F13A1: variants seen among roughly 807,000 people sequenced by gnomAD.
The protein encoded by F13A1 is coagulation factor XIII A chain, also known as FSF, A subunit.
F13A1 carries 47 observed loss-of-function variants against 80.1 expected under a neutral mutation model. That is an observed-to-expected ratio of 0.59 (90% CI 0.46 to 0.75). The LOEUF is 0.75. F13A1 is among the 30% of genes least tolerant of loss of function. The pLI, the probability that F13A1 is intolerant of heterozygous loss-of-function variation, is 0.00. For missense variants in F13A1, 817 were observed against 930.4 expected, an observed-to-expected ratio of 0.88 and a Z score of 1.59; for synonymous variants, 349 against 344.9, an observed-to-expected ratio of 1.01 and a Z score of -0.13.
At chr6:6,245,142 A>T in intron 6 of F13A1, among the ~76,000 whole-genome samples, 1 of 152,230 alleles carries the variant, frequency 6.6e-6, no homozygotes, top group East Asian at 1.9e-4. Context: ...TAAACATTCT[A>T]CACAGGACAA....
chr6:6,147,418 T>G (rs920708873), intron 14 of F13A1, among the ~76,000 whole-genome samples: 1 of 152,212 alleles, frequency 6.6e-6, no homozygotes, highest in Non-Finnish European at 1.5e-5. Context: ...GTCCTGGAAG[T>G]GTTCATGGAG....
intron 4 of F13A1, among the ~76,000 whole-genome samples, chr6:6,265,673 T>C (rs1757833548): frequency 6.6e-6 from 1 of 152,194 alleles, no homozygotes; most frequent in African/African-American, 2.4e-5. Flanking sequence ...AGCTACATCT[T>C]TGCACATCCA....
chr6:6,196,018 G>T, intron 9 of F13A1, 133 bp from the exon 10 acceptor site: 1 of 848,150 alleles, frequency 1.2e-6, no homozygotes, highest in Non-Finnish European at 1.9e-6. Context: ...TAGCCCAGAT[G>T]CTTTCCAAGG....
chr6:6,202,223 C>A (rs542722086), intron 8 of F13A1, among the ~76,000 whole-genome samples: 1 of 151,188 alleles, frequency 6.6e-6, no homozygotes, highest in East Asian at 1.9e-4. Context: ...TTCCTAATTT[C>A]ATCTACTGAT....
At chr6:6,178,664 A>G (rs2151076269) in intron 11 of F13A1, among the ~76,000 whole-genome samples, 1 of 152,198 alleles carries the variant, frequency 6.6e-6, no homozygotes, top group East Asian at 1.9e-4. Context: ...ATGGAGCCCA[A>G]GGATAGATGC....
chr6:6,253,143 A>T (rs866816252), intron 4 of F13A1, among the ~76,000 whole-genome samples: 2 of 65,490 alleles, frequency 3.1e-5, no homozygotes, highest in African/African-American at 1.1e-4. Context: ...AATCTGTCCC[A>T]AAAAAAAAAA....
At chr6:6,270,871 G>GT (rs1338559948) in intron 3 of F13A1, among the ~76,000 whole-genome samples, 3 of 152,202 alleles carry the variant, frequency 2.0e-5, no homozygotes, top group African/African-American at 7.2e-5. Flanking sequence ...ATCAAAGGAG[G>GT]TAACAACTGA....
chr6:6,168,229 C>T (rs1393024279), intron 12 of F13A1, among the ~76,000 whole-genome samples: 1 of 152,228 alleles, frequency 6.6e-6, no homozygotes, highest in African/African-American at 2.4e-5. Context: ...ATTTAGAAGA[C>T]CTCTGTGCCA....
chr6:6,225,889 G>A (rs1757270053), intron 6 of F13A1, among the ~76,000 whole-genome samples: 1 of 152,178 alleles, frequency 6.6e-6, no homozygotes, highest in African/African-American at 2.4e-5. Flanking sequence ...AGTTTTCTTA[G>A]AAGGTATTTC....
chr6:6,296,075 T>C (rs1430549457), intron 3 of F13A1, among the ~76,000 whole-genome samples: 1 of 147,878 alleles, frequency 6.8e-6, no homozygotes, highest in African/African-American at 2.6e-5. Flanking sequence ...GCATTATTTC[T>C]GAGGGCTCTG....
intron 3 of F13A1, among the ~76,000 whole-genome samples, chr6:6,293,681 GC>G (rs1448191667): frequency 6.6e-6 from 1 of 151,178 alleles, no homozygotes; most frequent in Admixed American, 6.6e-5. Context: ...CCATCCAAGA[GC>G]CCTATTTATT....
chr6:6,205,465 A>T (rs1287378342), intron 8 of F13A1, among the ~76,000 whole-genome samples: 1 of 152,236 alleles, frequency 6.6e-6, no homozygotes, highest in East Asian at 1.9e-4. Context: ...TCACTCACAT[A>T]CACACTACAG....
chr6:6,320,149 G>C (rs1300994983), intron 1 of F13A1, among the ~76,000 whole-genome samples: 1 of 152,190 alleles, frequency 6.6e-6, no homozygotes, highest in Non-Finnish European at 1.5e-5. Context: ...AATTGGGACG[G>C]AGGCAGGCGA....
At chr6:6,206,691 A>G in intron 8 of F13A1, 1 of 399,386 alleles carries the variant, frequency 2.5e-6, no homozygotes, top group Non-Finnish European at 5.2e-6. Context: ...AATATTTTTT[A>G]CATTCCTTCA....
chr6:6,200,008 TA>T (rs942924917), intron 8 of F13A1, among the ~76,000 whole-genome samples: 2 of 152,130 alleles, frequency 1.3e-5, no homozygotes, highest in East Asian at 1.9e-4. Context: ...AGACTGTGAA[TA>T]AAAAAGGAAG....
rs374864159 is a variant in F13A1, at chr6:6,248,452, G to A, written c.691-33C>T. ...GAGAAAGAAAAACAAAGAGAAACTA[G>A]TGTTCACTCTGCAAGCAAAATATTC... On this transcript the variant is annotated intron_variant, in intron 5 of 14. Coordinates refer to ENST00000264870, the MANE Select transcript of F13A1 (RefSeq NM_000129.4). 7.2e-5 allele frequency: 112 copies of A among 1,557,652 alleles called. No individual in the cohort carries two copies. In the African/African-American group the frequency reaches 1.3e-3, roughly 18 times the overall value.
chr6:6,240,891 CTTGACT>C (rs1274998306), intron 6 of F13A1, among the ~76,000 whole-genome samples: 1 of 151,934 alleles, frequency 6.6e-6, no homozygotes, highest in African/African-American at 2.4e-5. Flanking sequence ...TTAGAAATAC[CTTGACT>C]TTAACTTTAA....
At chr6:6,203,685 A>G (rs1478298857) in intron 8 of F13A1, among the ~76,000 whole-genome samples, 1 of 152,220 alleles carries the variant, frequency 6.6e-6, no homozygotes, top group African/African-American at 2.4e-5. Flanking sequence ...TCAACCAGTG[A>G]CCAAACTCCT....
In F13A1 at chr6:6,192,268, G is replaced by C. The variant is rs535932439; in HGVS notation, c.1305+3529C>G. On this transcript the variant is annotated intron_variant, in intron 10 of 14. Coordinates refer to ENST00000264870, the MANE Select transcript of F13A1 (RefSeq NM_000129.4). ...ACCAGAAGGGTTGGGGCAGGAGTGTGATGTTTGTATTTACATTTAAAGAAT... is the reference window on the plus strand; with the variant it reads ...ACCAGAAGGGTTGGGGCAGGAGTGTCATGTTTGTATTTACATTTAAAGAAT... Among the ~76,000 whole-genome samples the C allele has an allele frequency of 2.0e-5, 3 of 152,314 alleles. No homozygotes were observed. In the East Asian group the frequency reaches 5.8e-4, roughly 29 times the overall value.
Sources: gnomAD v4.1 joint callset for allele counts (sites outside exome capture counted in the v4.1 genomes callset) on GRCh38, gnomAD v4.1.1 for gene constraint, MANE v1.5 for transcripts, NCBI Gene and HGNC (gene_info 2026-07-23, HGNC 2026-07-21) for gene names.